The following AGXT2 variants were observed in gnomAD, a reference collection of about 807,000 sequenced individuals.
AGXT2 encodes the protein alanine--glyoxylate aminotransferase 2.
AGXT2 carries 61 observed loss-of-function variants against 62.5 expected under a neutral mutation model. The observed-to-expected ratio is 0.98, with a 90% CI of 0.79 to 1.21. AGXT2 has a LOEUF of 1.21. Ranked by LOEUF, AGXT2 falls within the 50% of genes most tolerant of loss-of-function variation. The pLI, the probability that AGXT2 is intolerant of heterozygous loss-of-function variation, is 0.00. For synonymous variants in AGXT2, 243 were observed against 218.7 expected (o/e 1.11, Z -0.98); for missense variants, 666 against 641.5 (o/e 1.04, Z -0.41).
intron 7 of AGXT2, among the ~76,000 whole-genome samples, chr5:35,031,097 T>C (rs2112259411): frequency 6.6e-6 from 1 of 152,180 alleles, no homozygotes; most frequent in Middle Eastern, 3.4e-3. Context: ...TCCTGGCCTG[T>C]GGAATAGGAA....
At chr5:35,041,335 T>A (rs561595443) in intron 1 of AGXT2, among the ~76,000 whole-genome samples, 1 of 151,246 alleles carries the variant, frequency 6.6e-6, no homozygotes, top group African/African-American at 2.4e-5. Context: ...TTTGTGTGTG[T>A]GTGTGTGTCA....
chr5:35,003,638 C>A (rs923640628), intron 13 of AGXT2, 125 bp downstream of exon 13: 1 of 935,108 alleles, frequency 1.1e-6, no homozygotes, highest in South Asian at 1.3e-5. Context: ...TACCTCGGCA[C>A]AGTTGTGTAA....
chr5:35,044,660 A>G (rs1275556343), intron 1 of AGXT2, among the ~76,000 whole-genome samples: 14 of 152,056 alleles, frequency 9.2e-5, no homozygotes, highest in Non-Finnish European at 2.9e-5. Context: ...CCTTCCCTCC[A>G]TTCCTTCATA....
intron 9 of AGXT2, among the ~76,000 whole-genome samples, chr5:35,019,902 TCCCACA>T (rs1767001151): frequency 6.6e-6 from 1 of 152,114 alleles, no homozygotes; most frequent in African/African-American, 2.4e-5. Flanking sequence ...TCACCACTGA[TCCCACA>T]GAAATACAAA....
At chr5:35,023,003 C>T (rs535585787) in intron 9 of AGXT2, among the ~76,000 whole-genome samples, 1 of 150,806 alleles carries the variant, frequency 6.6e-6, no homozygotes, top group East Asian at 1.9e-4. Flanking sequence ...TTGTCTTCTG[C>T]AAATTTTTTT....
At chr5:35,026,295 T>G in intron 8 of AGXT2, 115 bp downstream of exon 8, 2 of 879,502 alleles carry the variant, frequency 2.3e-6, no homozygotes, top group Non-Finnish European at 3.7e-6. Context: ...AGAATGAATT[T>G]AGAGAGGGAC....
intron 1 of AGXT2, among the ~76,000 whole-genome samples, chr5:35,041,800 G>T (rs912637965): frequency 6.6e-6 from 1 of 152,038 alleles, no homozygotes; most frequent in African/African-American, 2.4e-5. Flanking sequence ...AAGATGGAAA[G>T]TAACAGTTCT....
rs745665228 is a variant in AGXT2, at chr5:35,039,326, G to A, written c.360C>T (p.His120=). 15 of 1,613,704 alleles carry A rather than the reference G, an allele frequency of 9.3e-6. No individual in the cohort carries two copies. In the East Asian group the frequency reaches 2.5e-4, roughly 26 times the overall value. The change falls in exon 3 of 14, where the codon CAC becomes CAT. Residue 120 remains histidine (H), a splice_region_variant and synonymous_variant. Coordinates refer to ENST00000231420, the MANE Select transcript of AGXT2 (RefSeq NM_031900.4). ...CTCCAGATTTTAAGGATACTCACGG[G>A]TGGCAATGGCCAACACTGACAGTAA... is the stretch of plus-strand genomic sequence containing the variant. The part of the protein sequence containing the change: ...GIVTVSVGHC[H]PKVNAVAQKQ...
intron 7 of AGXT2, among the ~76,000 whole-genome samples, chr5:35,028,732 G>A (rs894124539): frequency 7.2e-5 from 11 of 152,184 alleles, no homozygotes; most frequent in African/African-American, 2.7e-4. Flanking sequence ...GTACCATGCA[G>A]TCTCTGAACT....
At position 35,032,814 on chromosome 5, in the gene AGXT2, T is replaced by C; in HGVS notation, c.687A>G (p.Pro229=). ...CTCCCCAAGGGCCACGAAAAACATC[T>C]GGACACATTGTCTGCAAATGACAAA... The part of the protein sequence containing the change: ...GGTGCQPTMC[P]DVFRGPWGGS... Residue 229 remains proline (P), a synonymous_variant, in exon 7 of 14, where the codon CCA becomes CCG. Coordinates refer to ENST00000231420, the MANE Select transcript of AGXT2 (RefSeq NM_031900.4). The C allele has an allele frequency of 6.2e-7, 1 of 1,604,112 alleles. No individual in the cohort carries two copies. The highest frequency in any genetic ancestry group is 8.5e-7 in the Non-Finnish European group (1 of 1,174,740).
intron 12 of AGXT2, among the ~76,000 whole-genome samples, chr5:35,007,429 T>C (rs1317593489): frequency 6.6e-6 from 1 of 152,186 alleles, no homozygotes; most frequent in Non-Finnish European, 1.5e-5. Flanking sequence ...GAAGGGTGGA[T>C]CTCCTGGATA....
chr5:35,007,981 T>C (rs961051273), intron 12 of AGXT2, among the ~76,000 whole-genome samples: 1 of 152,080 alleles, frequency 6.6e-6, no homozygotes, highest in African/African-American at 2.4e-5. Context: ...CCCTCATCAG[T>C]GACCTCTGCA....
Position 35,033,551 on chromosome 5 carries a change from C to G in AGXT2, c.584G>C (p.Gly195Ala), listed in dbSNP as rs1767653853. The stretch of plus-strand genomic sequence containing the variant: ...GTAAGGACTGCATCCATGGTAGGCT[C>G]CTCTGCAGAGAAGAAACAACAGGAG... ...SNNIDIISFR[G>A]AYHGCSPYTL... Residue 195 changes from glycine (G) to alanine (A), a missense_variant and splice_region_variant, in exon 6 of 14, where the codon GGA becomes GCA. Gly to Ala is a moderately conservative substitution (Grantham distance 60). Coordinates refer to ENST00000231420, the MANE Select transcript of AGXT2 (RefSeq NM_031900.4). 1 of 1,613,226 alleles carries G rather than the reference C, an allele frequency of 6.2e-7. No homozygotes were observed. Among genetic ancestry groups the G allele is most frequent in the Non-Finnish European group, 8.5e-7 (1 of 1,179,270 alleles).
intron 9 of AGXT2, among the ~76,000 whole-genome samples, chr5:35,025,114 G>A (rs1045014491): frequency 2.6e-5 from 4 of 152,158 alleles, no homozygotes; most frequent in Non-Finnish European, 4.4e-5. Flanking sequence ...GGTGGCTCAC[G>A]TCTCTAATGC....
intron 9 of AGXT2, among the ~76,000 whole-genome samples, chr5:35,016,696 T>G (rs752408958): frequency 2.0e-5 from 3 of 152,178 alleles, no homozygotes; most frequent in African/African-American, 7.2e-5. Context: ...CCCAACATCT[T>G]ATTGCTTGAC....
At chr5:34,999,577 C>T (rs1221382323) in intron 13 of AGXT2, among the ~76,000 whole-genome samples, 5 of 152,090 alleles carry the variant, frequency 3.3e-5, no homozygotes, top group East Asian at 1.9e-4. Context: ...TGAGTGATGC[C>T]GCTAGATATT....
At chr5:35,041,755 C>T (rs541678416) in intron 1 of AGXT2, among the ~76,000 whole-genome samples, 1 of 152,130 alleles carries the variant, frequency 6.6e-6, no homozygotes, top group Non-Finnish European at 1.5e-5. Flanking sequence ...AGTCACAGTC[C>T]TGAGAAACAT....
At chr5:35,045,524 C>T (rs1439658891) in intron 1 of AGXT2, among the ~76,000 whole-genome samples, 3 of 152,166 alleles carry the variant, frequency 2.0e-5, no homozygotes, top group Non-Finnish European at 4.4e-5. Flanking sequence ...GTGGCTAAGT[C>T]TGCAGCACTG....
At chr5:35,032,944 C>A in intron 6 of AGXT2, 119 bp from the exon 7 acceptor site, 5 of 800,530 alleles carry the variant, frequency 6.2e-6, no homozygotes, top group African/African-American at 5.1e-5. Flanking sequence ...CATTCTTCCC[C>A]CACTTAAGAT....
Sources: gnomAD v4.1 joint callset for allele counts (sites outside exome capture counted in the v4.1 genomes callset) on GRCh38, gnomAD v4.1.1 for gene constraint, MANE v1.5 for transcripts, NCBI Gene and HGNC (gene_info 2026-07-23, HGNC 2026-07-21) for gene names.